AHCYL2: variants seen among roughly 807,000 people sequenced by gnomAD.
AHCYL2 encodes the protein adenosylhomocysteinase like 2, also known as S-adenosylhomocysteine hydrolase-like protein 2.
AHCYL2 carries 28 observed loss-of-function variants against 81.4 expected under a neutral mutation model. That is an observed-to-expected ratio of 0.34 (90% CI 0.25 to 0.47). The LOEUF (loss-of-function observed/expected upper bound fraction) is 0.47, where lower values mean the gene tolerates loss of function less well. Among genes scored for constraint, AHCYL2 ranks in the 20% least tolerant of loss-of-function variants. The probability of loss-of-function intolerance (pLI) is 1.00; values close to 1 mark genes in which losing one functional copy is unlikely to be tolerated. For synonymous variants in AHCYL2, 272 were observed against 290.2 expected, an observed-to-expected ratio of 0.94 and a Z score of 0.64; for missense variants, 551 against 785.1, an observed-to-expected ratio of 0.70 and a Z score of 3.56.
chr7:129,387,137 A>ATAGC (rs141866667), intron 2 of AHCYL2, among the ~76,000 whole-genome samples: 3,656 of 152,314 alleles, frequency 0.024, 73 homozygotes, highest in Admixed American at 0.057. Flanking sequence ...TTTCTGCTTT[A>ATAGC]TAGCACACAT....
Position 129,225,280 on chromosome 7 carries a change from GCCCGCCGCCGCTCTCAGC to G in AHCYL2, c.215_232del (p.Ala72_Ala77del). 6.9e-7 allele frequency: 1 copy of G among 1,455,166 alleles called. No homozygotes were observed. Among genetic ancestry groups the G allele is most frequent in the South Asian group, 1.4e-5 (1 of 73,676 alleles). The allele number at this position is 1,455,166 out of a possible 1,614,324, so 90.1% of individuals were successfully genotyped here. On this transcript the variant is annotated inframe_deletion, in exon 1 of 17. Transcript: ENST00000325006. ...CCCCGGTCCCCGGCCCGGGCTCGGG[GCCCGCCGCCGCTCTCAGC>G]CCCGCCGCCGGGAAGGTGCCTCAGG...
chr7:129,405,668 G>C lies in AHCYL2; in HGVS notation c.1143-168G>C, dbSNP rs4339576. 6.9e-4 allele frequency among the ~76,000 whole-genome samples: 105 copies of C among 152,038 alleles called. No individual in the cohort carries two copies. In the Middle Eastern group the frequency reaches 0.01, roughly 15 times the overall value. ...CAGGTCTTTTAGAATTTGTCTAGCA[G>C]GTTTTCTGGTCTTTACCAGAAAACC... On this transcript the variant is annotated intron_variant, in intron 8 of 16. Coordinates refer to ENST00000325006, the MANE Select transcript of AHCYL2 (RefSeq NM_015328.4).
At position 129,426,849 on chromosome 7, in the gene AHCYL2, TG is replaced by T. The variant is rs1034531173; in HGVS notation, c.1830-189del. On this transcript the variant is annotated intron_variant, in intron 16 of 16. Transcript: ENST00000325006. This position sits in a 1 kb window ranked among gnomAD's most constrained non-coding sequence, Gnocchi z 4.3. Reference sequence around the variant, plus strand: ...CTTTCCCCATTTCATCTTGTTGCTATGATTTTTATCTCTTTATGGAGAAATA... The same window carrying T: ...CTTTCCCCATTTCATCTTGTTGCTATATTTTTATCTCTTTATGGAGAAATA... Among the ~76,000 whole-genome samples the T allele has an allele frequency of 2.0e-5, 3 of 152,044 alleles. No homozygotes were observed. The highest frequency in any genetic ancestry group is 4.4e-5 in the Non-Finnish European group (3 of 68,004).
intron 1 of AHCYL2, among the ~76,000 whole-genome samples, chr7:129,299,802 A>G (rs1050371288): frequency 1.3e-5 from 2 of 152,186 alleles, no homozygotes; most frequent in Non-Finnish European, 2.9e-5. Flanking sequence ...AGAACTTTGT[A>G]TATGTGGAAG....
intron 1 of AHCYL2, among the ~76,000 whole-genome samples, chr7:129,346,783 A>T (rs1300023339): frequency 6.6e-6 from 1 of 152,200 alleles, no homozygotes; most frequent in Non-Finnish European, 1.5e-5. Context: ...ATTCCTTGGT[A>T]TTTACCTAAA....
intron 1 of AHCYL2, among the ~76,000 whole-genome samples, chr7:129,280,513 A>G (rs1390185303): frequency 1.3e-5 from 2 of 152,134 alleles, no homozygotes; most frequent in East Asian, 1.9e-4. Context: ...GCTTTTTTGT[A>G]GATTCCATCA....
chr7:129,397,749 C>G (rs757819753), intron 5 of AHCYL2, among the ~76,000 whole-genome samples: 5 of 152,158 alleles, frequency 3.3e-5, no homozygotes, highest in African/African-American at 1.2e-4. Flanking sequence ...AAGACTTGAC[C>G]TGGCAGATTA....
chr7:129,292,188 T>C (rs1796890386), intron 1 of AHCYL2, among the ~76,000 whole-genome samples: 1 of 152,206 alleles, frequency 6.6e-6, no homozygotes, highest in East Asian at 1.9e-4. Flanking sequence ...TAGATAATTA[T>C]AACTTGTTTT....
At chr7:129,302,653 G>A (rs34867290) in intron 1 of AHCYL2, among the ~76,000 whole-genome samples, 3,754 of 152,288 alleles carry the variant, frequency 0.025, 78 homozygotes, top group Admixed American at 0.058. Context: ...ATGATAGGCT[G>A]TATCACATTG....
At chr7:129,245,239 G>A (rs890518095) in intron 1 of AHCYL2, among the ~76,000 whole-genome samples, 8 of 151,936 alleles carry the variant, frequency 5.3e-5, no homozygotes, top group Admixed American at 5.3e-4. Flanking sequence ...TGGTCAGGCT[G>A]GTCTCAAACT....
intron 1 of AHCYL2, among the ~76,000 whole-genome samples, chr7:129,311,313 C>A (rs532422751): frequency 6.6e-6 from 1 of 152,216 alleles, no homozygotes. Context: ...AGTAAGAGAC[C>A]TATTAATATG....
At chr7:129,329,860 G>A (rs1210569238) in intron 1 of AHCYL2, among the ~76,000 whole-genome samples, 1 of 152,186 alleles carries the variant, frequency 6.6e-6, no homozygotes, top group Non-Finnish European at 1.5e-5. Context: ...TAATAAATTG[G>A]AGAAGGGGCA....
intron 10 of AHCYL2, among the ~76,000 whole-genome samples, chr7:129,407,805 T>C (rs1473302269): frequency 1.3e-5 from 2 of 152,120 alleles, no homozygotes; most frequent in Non-Finnish European, 2.9e-5. Context: ...TGTCATGGAG[T>C]TAAACGGCAC....
intron 1 of AHCYL2, among the ~76,000 whole-genome samples, chr7:129,275,463 A>C (rs964573774): frequency 6.6e-6 from 1 of 152,220 alleles, no homozygotes; most frequent in Non-Finnish European, 1.5e-5. Flanking sequence ...AAATAATCCA[A>C]GTCTATGCAG....
In AHCYL2 at chr7:129,340,111, G is replaced by A. The variant is rs1324668791; in HGVS notation, c.364-39527G>A. 2.1e-4 allele frequency among the ~76,000 whole-genome samples: 31 copies of A among 146,622 alleles called. No homozygotes were observed. The East Asian group carries it at 2.5e-3, about 12-fold the overall frequency. On this transcript the variant is annotated intron_variant, in intron 1 of 16. Transcript: ENST00000325006. The stretch of plus-strand genomic sequence containing the variant: ...TTTTTTGTATTTTTTTTTAGTAGAG[G>A]CAGGGTTTCACCGTGTTAGCCAGGA...
chr7:129,370,653 G>A (rs1020772512), intron 1 of AHCYL2, among the ~76,000 whole-genome samples: 8 of 152,166 alleles, frequency 5.3e-5, no homozygotes, highest in Admixed American at 1.3e-4. Context: ...AGCTGAGATC[G>A]CGCCACTGCA....
chr7:129,311,803 G>A (rs1797667822), intron 1 of AHCYL2, among the ~76,000 whole-genome samples: 1 of 152,116 alleles, frequency 6.6e-6, no homozygotes, highest in Admixed American at 6.5e-5. Context: ...TCTGTTTTCA[G>A]TTTATAGCTG....
chr7:129,245,582 T>TTA (rs35302708), intron 1 of AHCYL2, among the ~76,000 whole-genome samples: 77,370 of 151,882 alleles, frequency 0.51, 22,328 homozygotes, highest in Non-Finnish European at 0.63. Context: ...TCTAGGTACC[T>TTA]TATATAAGTA....
chr7:129,426,940 A>G lies in AHCYL2; in HGVS notation c.1830-99A>G. On this transcript the variant is annotated intron_variant, in intron 16 of 16. Transcript: ENST00000325006. This position sits in a 1 kb window ranked among gnomAD's most constrained non-coding sequence, Gnocchi z 4.3. The stretch of plus-strand genomic sequence containing the variant: ...TTCCTGTCACTGTACACTCCAGAAA[A>G]GTCTCTGCCTCCCTGTTACACCTTT... 8.1e-7 allele frequency: 1 copy of G among 1,236,096 alleles called. No homozygotes were observed. The highest frequency in any genetic ancestry group is 1.2e-6 in the Non-Finnish European group (1 of 855,218). The allele number at this position is 1,236,096 out of a possible 1,614,324, so 76.6% of individuals were successfully genotyped here. A position where few individuals can be genotyped will look rare whatever the true frequency, so the allele number is the denominator to read the frequency against.
Sources: gnomAD v4.1 joint callset for allele counts (sites outside exome capture counted in the v4.1 genomes callset) on GRCh38, gnomAD v4.1.1 for gene constraint, Gnocchi (gnomAD v3.1) non-coding constraint, MANE v1.5 for transcripts, NCBI Gene and HGNC (gene_info 2026-07-23, HGNC 2026-07-21) for gene names.